BAZ2B: variants seen among roughly 807,000 people sequenced by gnomAD.
The protein encoded by BAZ2B is bromodomain adjacent to zinc finger domain protein 2B.
In BAZ2B, 91 loss-of-function variants were observed where a neutral mutation model predicts 246.0. The ratio of observed to expected loss-of-function variants is 0.37; its 90% CI spans 0.31 to 0.44. BAZ2B has a LOEUF of 0.44. Among genes scored for constraint, BAZ2B ranks in the 20% least tolerant of loss-of-function variants. The pLI is 1.00. For missense variants in BAZ2B, 2,332 were observed against 2,533.7 expected, an observed-to-expected ratio of 0.92 and a Z score of 1.71; for synonymous variants, 855 against 860.0, an observed-to-expected ratio of 0.99 and a Z score of 0.10.
chr2:159,502,596 T>C (rs958235580), intron 2 of BAZ2B, among the ~76,000 whole-genome samples: 1 of 152,130 alleles, frequency 6.6e-6, no homozygotes, highest in Non-Finnish European at 1.5e-5. Flanking sequence ...ATCGTGACAC[T>C]GTACTCCAGC....
chr2:159,632,788 A>G, the BAZ2B span, among the ~76,000 whole-genome samples: 1 of 152,382 alleles, frequency 6.6e-6, no homozygotes, highest in East Asian at 1.9e-4. Context: ...ATATTTCAAA[A>G]CTATTAAAAA....
chr2:159,606,347 T>G (rs929378456), intron 1 of BAZ2B, among the ~76,000 whole-genome samples: 3 of 152,212 alleles, frequency 2.0e-5, no homozygotes, highest in African/African-American at 7.2e-5. Flanking sequence ...GCAGAGCCTG[T>G]TTTTCTCAGC....
chr2:159,477,346 TATAC>T, intron 3 of BAZ2B, among the ~76,000 whole-genome samples: 1 of 151,888 alleles, frequency 6.6e-6, no homozygotes, highest in Non-Finnish European at 1.5e-5. Context: ...TATGTGTATA[TATAC>T]ATACATATAT....
chr2:159,598,535 G>T (rs990545476), intron 1 of BAZ2B, among the ~76,000 whole-genome samples: 10 of 152,110 alleles, frequency 6.6e-5, no homozygotes, highest in Non-Finnish European at 1.2e-4. Context: ...ACTCTTGGGG[G>T]AAATACTGAT....
At chr2:159,372,366 C>T (rs1027430000) in intron 27 of BAZ2B, among the ~76,000 whole-genome samples, 1 of 152,166 alleles carries the variant, frequency 6.6e-6, no homozygotes, top group African/African-American at 2.4e-5. Flanking sequence ...TAAGCACTAA[C>T]ATAACACTTT....
chr2:159,406,899 C>T (rs1399413000), intron 14 of BAZ2B, among the ~76,000 whole-genome samples: 6 of 151,850 alleles, frequency 4.0e-5, no homozygotes, highest in African/African-American at 1.5e-4. Context: ...GGACTACAGG[C>T]GCCCGCCACC....
intron 1 of BAZ2B, chr2:159,615,376 T>A (rs1695727687): frequency 6.6e-6 from 1 of 152,262 alleles, no homozygotes; most frequent in South Asian, 2.1e-4. Context: ...TGCTAAAACA[T>A]GAGACCAAGG....
the BAZ2B span, chr2:159,693,062 T>C: frequency 1.3e-5 from 2 of 152,218 alleles, no homozygotes; most frequent in Admixed American, 1.3e-4. Context: ...CCAAAAGCAC[T>C]GGGTTTATAG....
intron 1 of BAZ2B, among the ~76,000 whole-genome samples, chr2:159,574,711 C>T (rs1023250106): frequency 7.2e-5 from 11 of 152,166 alleles, no homozygotes; most frequent in East Asian, 5.8e-4. Context: ...GAAGGCTGGG[C>T]GCGGTGGCTC....
At chr2:159,323,846 GGTAACAGT>G (rs1410644853) in intron 36 of BAZ2B, among the ~76,000 whole-genome samples, 1 of 150,140 alleles carries the variant, frequency 6.7e-6, no homozygotes, top group Non-Finnish European at 1.5e-5. Context: ...TCCATATCTA[GGTAACAGT>G]GTTTGCATAT....
At chr2:159,331,789 G>A (rs1478043598) in intron 34 of BAZ2B, among the ~76,000 whole-genome samples, 2 of 152,206 alleles carry the variant, frequency 1.3e-5, no homozygotes, top group South Asian at 4.1e-4. Context: ...TTTTACCAAG[G>A]GCAGGGGCAG....
At chr2:159,573,933 C>T (rs553230993) in intron 1 of BAZ2B, among the ~76,000 whole-genome samples, 9 of 152,140 alleles carry the variant, frequency 5.9e-5, no homozygotes, top group African/African-American at 2.2e-4. Flanking sequence ...AATCCCTTAC[C>T]TACAAAAAAA....
At chr2:159,644,166 G>GA in the BAZ2B span, among the ~76,000 whole-genome samples, 1 of 152,106 alleles carries the variant, frequency 6.6e-6, no homozygotes, top group African/African-American at 2.4e-5. Flanking sequence ...TCATCTTGAG[G>GA]AAAAATTCTT....
intron 13 of BAZ2B, among the ~76,000 whole-genome samples, chr2:159,416,519 T>C (rs2067742573): frequency 6.6e-6 from 1 of 152,224 alleles, no homozygotes; most frequent in South Asian, 2.1e-4. Context: ...GAAGAGTGAC[T>C]ACTAAAAGTC....
intron 3 of BAZ2B, chr2:159,463,670 T>G (rs1191958606): frequency 6.6e-6 from 1 of 151,872 alleles, no homozygotes; most frequent in Admixed American, 6.6e-5. Context: ...TGGCCACTTA[T>G]ATGTTTCTTG....
chr2:159,469,404 A>T (rs778994066), intron 3 of BAZ2B, among the ~76,000 whole-genome samples: 42 of 152,042 alleles, frequency 2.8e-4, no homozygotes, highest in Non-Finnish European at 3.5e-4. Flanking sequence ...GATATCCTGA[A>T]TTGTTCTATG....
Position 159,433,321 on chromosome 2 carries a change from C to T in BAZ2B, c.1336G>A (p.Glu446Lys). 1 of 1,613,886 alleles carries T rather than the reference C, an allele frequency of 6.2e-7. No individual in the cohort carries two copies. The highest frequency in any genetic ancestry group is 2.2e-5 in the East Asian group (1 of 44,872). ...QAFPSQLKKQ[E>K]SSKSLKKVIA... ...ACCTTCTTCAGGCTCTTCGATGACT[C>T]TTGTTTCTTTAACTGTGATGGGAAT... Residue 446 changes from glutamate (E) to lysine (K), a missense_variant, in exon 9 of 37, where the codon GAG becomes AAG. By Grantham distance (56) the Glu-to-Lys change is moderately conservative. Transcript: ENST00000392783.
intron 3 of BAZ2B, chr2:159,464,728 G>A (rs982917166): frequency 2.6e-5 from 4 of 152,106 alleles, no homozygotes; most frequent in African/African-American, 9.6e-5. Context: ...TAAAAGATAA[G>A]GACAGTTCCT....
intron 2 of BAZ2B, among the ~76,000 whole-genome samples, chr2:159,499,280 G>C (rs1559623208): frequency 6.6e-6 from 1 of 152,164 alleles, no homozygotes; most frequent in Non-Finnish European, 1.5e-5. Flanking sequence ...TGCCATGTTT[G>C]ATTTTCTGTT....
Sources: allele counts gnomAD v4.1 joint callset (sites outside exome capture counted in the v4.1 genomes callset), GRCh38; gene constraint gnomAD v4.1.1; transcripts MANE v1.5; gene names NCBI Gene and HGNC (gene_info 2026-07-23, HGNC 2026-07-21).